The following NELL1 variants were observed in gnomAD, a reference collection of about 807,000 sequenced individuals.
NELL1 encodes the protein neural EGFL like 1.
In NELL1, 76 loss-of-function variants were observed where a neutral mutation model predicts 107.4. The observed-to-expected ratio is 0.71, with a 90% CI of 0.59 to 0.86. NELL1 has a LOEUF of 0.86. Ranked by LOEUF, NELL1 falls within the 40% of genes least tolerant of loss-of-function variation. The probability of loss-of-function intolerance (pLI) is 0.00; values close to 1 mark genes in which losing one functional copy is unlikely to be tolerated. For missense variants in NELL1, 1,024 were observed against 1,005.5 expected (o/e 1.02, Z -0.25); for synonymous variants, 353 against 341.2 (o/e 1.03, Z -0.38).
chr11:20,847,009 T>C (rs564470100), intron 3 of NELL1, among the ~76,000 whole-genome samples: 1 of 152,368 alleles, frequency 6.6e-6, no homozygotes, highest in South Asian at 2.1e-4. Flanking sequence ...CATTCTCTGA[T>C]AATTTGAAAT....
chr11:20,748,393 A>C (rs1295438054), intron 2 of NELL1, among the ~76,000 whole-genome samples: 1 of 152,200 alleles, frequency 6.6e-6, no homozygotes, highest in Non-Finnish European at 1.5e-5. Flanking sequence ...AATTAGCTTA[A>C]GTATCTATAA....
intron 2 of NELL1, among the ~76,000 whole-genome samples, chr11:20,773,899 A>G (rs1856689739): frequency 6.6e-6 from 1 of 151,712 alleles, no homozygotes; most frequent in African/African-American, 2.4e-5. Context: ...CTGATGAGGG[A>G]CTCACTCTCT....
In NELL1 at chr11:21,004,212, T is replaced by C. The variant is rs112534543; in HGVS notation, c.1300+43652T>C. Among the ~76,000 whole-genome samples the C allele has an allele frequency of 6.3e-3, 957 of 152,260 alleles. 10 individuals carry two copies. The highest frequency in any genetic ancestry group is 0.02 in the African/African-American group (849 of 41,562). ...GAGTTTGAGTGGCGGGGAATAGCTG[T>C]ATTCATCTTTATGTCCCTAATGCTT... On this transcript the variant is annotated intron_variant, in intron 12 of 19. Transcript: ENST00000357134.
At chr11:21,249,258 CTTA>C (rs1203307428) in intron 14 of NELL1, among the ~76,000 whole-genome samples, 3 of 152,024 alleles carry the variant, frequency 2.0e-5, no homozygotes, top group African/African-American at 7.3e-5. Context: ...GATCAAGGTT[CTTA>C]TTATTAAGCC....
intron 12 of NELL1, among the ~76,000 whole-genome samples, chr11:20,970,919 C>T (rs941097832): frequency 6.6e-6 from 1 of 151,998 alleles, no homozygotes; most frequent in Non-Finnish European, 1.5e-5. Context: ...ATCTCATCCT[C>T]AATGAAATAG....
chr11:21,012,252 T>G (rs1852463883), intron 12 of NELL1, among the ~76,000 whole-genome samples: 1 of 152,150 alleles, frequency 6.6e-6, no homozygotes, highest in Admixed American at 6.5e-5. Flanking sequence ...ATGGTTTGCT[T>G]TGTTTATTCC....
chr11:20,889,711 C>T (rs927002562), intron 5 of NELL1, among the ~76,000 whole-genome samples: 5 of 152,154 alleles, frequency 3.3e-5, no homozygotes, highest in South Asian at 2.1e-4. Context: ...AGAAGGCTGG[C>T]GTGACTCATG....
chr11:21,058,166 T>A (rs1387841796), intron 12 of NELL1, among the ~76,000 whole-genome samples: 1 of 152,110 alleles, frequency 6.6e-6, no homozygotes, highest in East Asian at 1.9e-4. Flanking sequence ...TATGGGACCA[T>A]GGAAGGCATA....
intron 12 of NELL1, among the ~76,000 whole-genome samples, chr11:21,052,439 C>A (rs927940033): frequency 5.9e-5 from 9 of 152,062 alleles, no homozygotes; most frequent in Non-Finnish European, 1.0e-4. Flanking sequence ...TCTTGGACCA[C>A]ATGGTAGCAA....
intron 15 of NELL1, among the ~76,000 whole-genome samples, chr11:21,384,882 A>G (rs900672640): frequency 2.0e-5 from 3 of 151,848 alleles, no homozygotes; most frequent in Non-Finnish European, 4.4e-5. Flanking sequence ...TGTCTTCTTC[A>G]TTTTCATAAA....
intron 15 of NELL1, among the ~76,000 whole-genome samples, chr11:21,417,470 G>T (rs1852546729): frequency 1.3e-5 from 2 of 151,490 alleles, no homozygotes; most frequent in Admixed American, 1.3e-4. Context: ...CGTTTAAGGG[G>T]TTTCCAGATT....
intron 15 of NELL1, among the ~76,000 whole-genome samples, chr11:21,491,526 C>T (rs909447350): frequency 1.1e-4 from 17 of 152,236 alleles, no homozygotes; most frequent in Non-Finnish European, 2.5e-4. Context: ...GGCGCTATTT[C>T]TGAGGGCTCT....
In NELL1 at chr11:21,057,821, T is replaced by C. The variant is rs145567443; in HGVS notation, c.1301-55768T>C. Reference sequence around the variant, plus strand: ...TTGCCTATCTGTGATTTTTAACTTTTCTATAATGACCATAAATTAGTTTTA... The same window carrying C: ...TTGCCTATCTGTGATTTTTAACTTTCCTATAATGACCATAAATTAGTTTTA... On this transcript the variant is annotated intron_variant, in intron 12 of 19. Coordinates refer to ENST00000357134, the MANE Select transcript of NELL1 (RefSeq NM_006157.5). Among the ~76,000 whole-genome samples the C allele has an allele frequency of 1.0e-2, 1,522 of 152,202 alleles. 28 individuals are homozygous for C. The highest frequency in any genetic ancestry group is 0.034 in the African/African-American group (1,403 of 41,578).
At chr11:21,353,953 T>C (rs1051332914) in intron 14 of NELL1, among the ~76,000 whole-genome samples, 17 of 152,308 alleles carry the variant, frequency 1.1e-4, no homozygotes, top group African/African-American at 3.8e-4. Context: ...CCCACATGTA[T>C]GTGTCTAATA....
chr11:21,311,089 A>G (rs1849740310), intron 14 of NELL1, among the ~76,000 whole-genome samples: 1 of 152,110 alleles, frequency 6.6e-6, no homozygotes, highest in African/African-American at 2.4e-5. Context: ...ATAGTGTTTA[A>G]TGACTCTGAA....
intron 12 of NELL1, among the ~76,000 whole-genome samples, chr11:20,981,982 T>TCTC (rs1851760652): frequency 8.0e-6 from 1 of 125,280 alleles, no homozygotes; most frequent in African/African-American, 3.2e-5. Context: ...CTCTCTCTCT[T>TCTC]TCTCTCTCTT....
rs558024021 is a variant in NELL1 at position 21,126,895 on chromosome 11, TAAGTC to T, written c.1426+13185_1426+13189del. 3.4e-3 allele frequency among the ~76,000 whole-genome samples: 511 copies of T among 152,318 alleles called. 2 individuals carry two copies. The highest frequency in any genetic ancestry group is 5.5e-3 in the Non-Finnish European group (377 of 68,034). On this transcript the variant is annotated intron_variant, in intron 13 of 19. Coordinates refer to ENST00000357134, the MANE Select transcript of NELL1 (RefSeq NM_006157.5). The stretch of plus-strand genomic sequence containing the variant: ...ATAACTACCAAGGAATACATTCCTT[TAAGTC>T]AAGAGAAATATCACCTTCCTAGAGT...
chr11:20,732,301 T>A (rs918293090), intron 2 of NELL1, among the ~76,000 whole-genome samples: 1 of 152,116 alleles, frequency 6.6e-6, no homozygotes, highest in African/African-American at 2.4e-5. Flanking sequence ...AATATTTGAG[T>A]TCCTCCTGTG....
chr11:20,704,618 G>T (rs1247779958), intron 2 of NELL1, among the ~76,000 whole-genome samples: 2 of 152,114 alleles, frequency 1.3e-5, no homozygotes, highest in African/African-American at 4.8e-5. Context: ...TTTAGAGTTT[G>T]GCATGTTTTT....
Sources: allele counts gnomAD v4.1 joint callset (sites outside exome capture counted in the v4.1 genomes callset), GRCh38; gene constraint gnomAD v4.1.1; transcripts MANE v1.5; gene names NCBI Gene and HGNC (gene_info 2026-07-23, HGNC 2026-07-21).